Variants in OXR1 observed in about 807,000 individuals in gnomAD.
OXR1 encodes oxidation resistance 1, also known as oxidation resistance protein 1.
OXR1 carries 41 observed loss-of-function variants against 104.6 expected under a neutral mutation model. The ratio of observed to expected loss-of-function variants is 0.39; its 90% confidence interval spans 0.31 to 0.51. The LOEUF (loss-of-function observed/expected upper bound fraction) is 0.51, where lower values mean the gene tolerates loss of function less well. OXR1 is among the 20% of genes least tolerant of loss of function. The pLI is 0.77. For synonymous variants in OXR1, 348 were observed against 348.4 expected (o/e 1.00, Z 0.01); for missense variants, 955 against 1,031.9 (o/e 0.93, Z 1.02).
At chr8:106,540,792 G>A (rs1447483822) in intron 3 of OXR1, among the ~76,000 whole-genome samples, 2 of 152,178 alleles carry the variant, frequency 1.3e-5, no homozygotes, top group Non-Finnish European at 2.9e-5. Context: ...GAGAGAGCTC[G>A]TGCAGGCAAA....
chr8:106,378,486 G>A (rs1016399680), intron 2 of OXR1, among the ~76,000 whole-genome samples: 3 of 152,064 alleles, frequency 2.0e-5, no homozygotes, highest in African/African-American at 4.8e-5. Flanking sequence ...AATCTCATTC[G>A]CTGACATCTG....
At chr8:106,452,602 G>C (rs1361960047) in intron 2 of OXR1, among the ~76,000 whole-genome samples, 1 of 152,106 alleles carries the variant, frequency 6.6e-6, no homozygotes, top group African/African-American at 2.4e-5. Flanking sequence ...TGCTCTATTT[G>C]ATATTGGACT....
chr8:106,363,733 AC>A (rs1316815325), intron 2 of OXR1, among the ~76,000 whole-genome samples: 2 of 152,044 alleles, frequency 1.3e-5, no homozygotes, highest in Admixed American at 6.6e-5. Context: ...TCTAGGTTGG[AC>A]CTTCAGATAG....
At chr8:106,685,818 A>G (rs991477184) in intron 6 of OXR1, among the ~76,000 whole-genome samples, 4 of 152,216 alleles carry the variant, frequency 2.6e-5, no homozygotes, top group Non-Finnish European at 5.9e-5. Flanking sequence ...TAAAAAAGAT[A>G]CTTGCACATG....
At chr8:106,637,937 AT>A (rs969554826) in intron 3 of OXR1, among the ~76,000 whole-genome samples, 1 of 149,346 alleles carries the variant, frequency 6.7e-6, no homozygotes. Flanking sequence ...ACTTTTTTGT[AT>A]TTTTTTTTAG....
intron 11 of OXR1, among the ~76,000 whole-genome samples, chr8:106,733,890 T>C (rs1339104849): frequency 2.0e-5 from 3 of 151,642 alleles, no homozygotes; most frequent in African/African-American, 7.2e-5. Flanking sequence ...CCCCTCTTCC[T>C]TCCCTTTTTT....
intron 1 of OXR1, among the ~76,000 whole-genome samples, chr8:106,312,229 G>C (rs544983707): frequency 6.6e-6 from 1 of 152,182 alleles, no homozygotes; most frequent in Non-Finnish European, 1.5e-5. Context: ...AACAATCATA[G>C]TACCAAATTC....
At chr8:106,428,984 C>T (rs1201710042) in intron 2 of OXR1, among the ~76,000 whole-genome samples, 1 of 152,106 alleles carries the variant, frequency 6.6e-6, no homozygotes, top group Admixed American at 6.6e-5. Context: ...AGATTTAAAA[C>T]TTCCCTTTAC....
intron 1 of OXR1, among the ~76,000 whole-genome samples, chr8:106,290,147 A>G (rs1812688275): frequency 6.6e-6 from 1 of 152,116 alleles, no homozygotes. Flanking sequence ...CTCAGAAATA[A>G]AGCCACACAC....
chr8:106,404,757 G>A (rs1332066612), intron 2 of OXR1, among the ~76,000 whole-genome samples: 1 of 151,950 alleles, frequency 6.6e-6, no homozygotes, highest in African/African-American at 2.4e-5. Flanking sequence ...CCAGGCTGGA[G>A]TGCAATGGCA....
rs1375566735 is a variant in OXR1 at position 106,661,292 on chromosome 8, A to T, written c.221-17918A>T. On this transcript the variant is annotated intron_variant, in intron 3 of 16. Transcript: ENST00000517566. The stretch of plus-strand genomic sequence containing the variant: ...TCTCTCCTTCCTTTACTCCTCTCCA[A>T]GGTGGCTGCTTTTGCTCTTACCAGC... 5.3e-5 allele frequency among the ~76,000 whole-genome samples: 8 copies of T among 152,240 alleles called. No individual in the cohort carries two copies. In the South Asian group the frequency reaches 1.7e-3, roughly 32 times the overall value.
At chr8:106,461,036 C>A (rs1041036199) in intron 2 of OXR1, among the ~76,000 whole-genome samples, 6 of 152,006 alleles carry the variant, frequency 3.9e-5, no homozygotes, top group Non-Finnish European at 7.4e-5. Flanking sequence ...AAGGAAAGAA[C>A]ACTAGGGGGA....
At chr8:106,327,039 C>T (rs1440713767) in intron 1 of OXR1, among the ~76,000 whole-genome samples, 1 of 152,106 alleles carries the variant, frequency 6.6e-6, no homozygotes, top group Non-Finnish European at 1.5e-5. Context: ...TTTCCCATCT[C>T]TGATGAAAAT....
At chr8:106,623,398 A>C (rs909879014) in intron 3 of OXR1, among the ~76,000 whole-genome samples, 91 of 152,294 alleles carry the variant, frequency 6.0e-4, no homozygotes, top group African/African-American at 2.1e-3. Context: ...AGTAAAAAAA[A>C]AACACTAGGG....
chr8:106,315,142 C>T (rs1049512921), intron 1 of OXR1, among the ~76,000 whole-genome samples: 2 of 151,166 alleles, frequency 1.3e-5, no homozygotes, highest in Non-Finnish European at 2.9e-5. Flanking sequence ...TACTAGATAT[C>T]CTATTATTAG....
intron 1 of OXR1, among the ~76,000 whole-genome samples, chr8:106,350,070 C>T (rs1004945882): frequency 6.6e-6 from 1 of 152,124 alleles, no homozygotes; most frequent in African/African-American, 2.4e-5. Context: ...TTTGAAGTCA[C>T]AGCTGAGGCA....
chr8:106,360,802 C>A (rs1816210522), intron 2 of OXR1, among the ~76,000 whole-genome samples: 1 of 151,970 alleles, frequency 6.6e-6, no homozygotes, highest in Non-Finnish European at 1.5e-5. Flanking sequence ...TCCTGGGAGA[C>A]CTTGACACGT....
At chr8:106,435,043 T>TGTCA (rs1819512848) in intron 2 of OXR1, among the ~76,000 whole-genome samples, 1 of 152,128 alleles carries the variant, frequency 6.6e-6, no homozygotes, top group Non-Finnish European at 1.5e-5. Flanking sequence ...GGTGGCCAGG[T>TGTCA]GTCACCTCTA....
chr8:106,377,997 A>G (rs1291840919), intron 2 of OXR1, among the ~76,000 whole-genome samples: 1 of 152,064 alleles, frequency 6.6e-6, no homozygotes, highest in Non-Finnish European at 1.5e-5. Flanking sequence ...GTTCATTTTT[A>G]TTTTGTTGTG....
Sources: allele counts gnomAD v4.1 joint callset (sites outside exome capture counted in the v4.1 genomes callset), GRCh38; gene constraint gnomAD v4.1.1; transcripts MANE v1.5; gene names NCBI Gene and HGNC (gene_info 2026-07-23, HGNC 2026-07-21).